ATP5ME: variants seen among roughly 807,000 people sequenced by gnomAD.
ATP5ME encodes the protein ATP synthase F(0) complex subunit e, mitochondrial.
Under a neutral mutation model 11.6 loss-of-function variants are expected in ATP5ME, and 10 were observed. The observed-to-expected ratio is 0.86, with a 90% CI of 0.53 to 1.46. ATP5ME has a LOEUF of 1.46. ATP5ME is among the 40% of genes most tolerant of loss of function. The pLI is 0.00. For synonymous variants in ATP5ME, 45 were observed against 33.5 expected (o/e 1.34, Z -1.19); for missense variants, 115 against 85.4 (o/e 1.35, Z -1.37).
In ATP5ME at chr4:673,300, T is replaced by A. The variant is rs113258489; in HGVS notation, c.190+3A>T. ...AATCTATAAGAGCCAGTGTCACTCG[T>A]ACCTTCTGCCAATTCTCTGGCAATC... On this transcript the variant is annotated splice_donor_region_variant and intron_variant, in intron 3 of 3. Coordinates refer to ENST00000304312, the MANE Select transcript of ATP5ME (RefSeq NM_007100.4). The A allele has an allele frequency of 6.2e-7, 1 of 1,614,208 alleles. No homozygotes were observed. The highest frequency in any genetic ancestry group is 8.5e-7 in the Non-Finnish European group (1 of 1,180,000).
intron 3 of ATP5ME, 136 bp downstream of exon 3, chr4:673,167 G>GCCA: frequency 5.0e-6 from 7 of 1,389,178 alleles, no homozygotes; most frequent in Non-Finnish European, 6.8e-6. Context: ...ACAGGCATGA[G>GCCA]CCACCACGCC....
At chr4:674,141 G>A in intron 1 of ATP5ME, 71 bp downstream of exon 1, 7 of 1,536,804 alleles carry the variant, frequency 4.6e-6, no homozygotes, top group Non-Finnish European at 6.2e-6. Flanking sequence ...CGCAGCCCGC[G>A]GGGTCGGAGC....
intron 1 of ATP5ME, 34 bp downstream of exon 1, chr4:674,178 G>C (rs778952566): frequency 1.2e-6 from 2 of 1,607,820 alleles, no homozygotes; most frequent in Admixed American, 1.7e-5. Context: ...GGGGGGCCCA[G>C]AGCACTGGGC....
chr4:673,468 G>C, intron 2 of ATP5ME, 67 bp from the exon 3 acceptor site: 2 of 1,610,068 alleles, frequency 1.2e-6, no homozygotes, highest in Non-Finnish European at 1.7e-6. Context: ...TGAGTCCACA[G>C]GTCAAGGTAT....
At position 673,384 on chromosome 4, in the gene ATP5ME, C is replaced by T. The variant is rs200608822; in HGVS notation, c.109G>A (p.Ala37Thr). The stretch of plus-strand genomic sequence containing the variant: ...GCTGCTATCCTCCTCTCCTCTTCTG[C>T]CCGAGGTTTTAGGTAATCTGTTTGG... ...ATRYNYLKPR[A>T]EEERRIAAEE... is the part of the protein sequence containing the mutation. The change falls in exon 3 of 4, where the codon GCA becomes ACA. Residue 37 changes from alanine (A) to threonine (T), a missense_variant. Ala to Thr is a moderately conservative substitution (Grantham distance 58). Coordinates refer to ENST00000304312, the MANE Select transcript of ATP5ME (RefSeq NM_007100.4). 425 of 1,614,032 alleles carry T rather than the reference C, an allele frequency of 2.6e-4. 1 individual carries two copies. The highest frequency in any genetic ancestry group is 3.3e-4 in the Non-Finnish European group (390 of 1,180,018).
intron 2 of ATP5ME, 200 bp downstream of exon 2, chr4:673,712 G>C: frequency 1.2e-6 from 1 of 869,406 alleles, no homozygotes; most frequent in Middle Eastern, 3.4e-4. Context: ...AGCCGTTTTC[G>C]AGTCCCCCGC....
rs1250219241 is a variant in ATP5ME, at chr4:672,439, CA to C, written c.*60del. ...GACAGCAAATGAGGAGCCGGAGTAT[CA>C]CACAACACAGGAAGCTTTATTCATC... On this transcript the variant is annotated 3_prime_UTR_variant, in exon 4 of 4. Transcript: ENST00000304312. 7 of 1,608,042 alleles carry C rather than the reference CA, an allele frequency of 4.4e-6. No homozygotes were observed. Among genetic ancestry groups the C allele is most frequent in the Admixed American group, 3.4e-5 (2 of 59,116 alleles).
chr4:673,746 T>C, intron 2 of ATP5ME, 166 bp downstream of exon 2: 1 of 1,078,328 alleles, frequency 9.3e-7, no homozygotes, highest in East Asian at 2.6e-5. Context: ...GCCTGAGCTT[T>C]GGGTGAGCTG....
At chr4:672,596 ATTTTTTTTTTT>A in intron 3 of ATP5ME, 77 bp from the exon 4 acceptor site, 2 of 1,132,260 alleles carry the variant, frequency 1.8e-6, no homozygotes, top group Non-Finnish European at 2.4e-6. Context: ...CTTCCCAGTT[ATTTTTTTTTTT>A]TTTTTTTTTG....
At position 673,294 on chromosome 4, in the gene ATP5ME, C is replaced by T. The variant is rs201986374; in HGVS notation, c.190+9G>A. The T allele has an allele frequency of 1.4e-4, 223 of 1,614,196 alleles. 1 individual carries two copies. In the South Asian group the frequency reaches 1.5e-3, roughly 11 times the overall value. ...AGGGACAATCTATAAGAGCCAGTGTCACTCGTACCTTCTGCCAATTCTCTG... is the reference window on the plus strand; with the variant it reads ...AGGGACAATCTATAAGAGCCAGTGTTACTCGTACCTTCTGCCAATTCTCTG... On this transcript the variant is annotated intron_variant, in intron 3 of 3. Coordinates refer to ENST00000304312, the MANE Select transcript of ATP5ME (RefSeq NM_007100.4).
At position 673,365 on chromosome 4, in the gene ATP5ME, ATCC is replaced by A. The variant is rs1318735021; in HGVS notation, c.125_127del (p.Arg42del). Reference sequence around the variant, plus strand: ...CTGCTTCTTCTTCTCTTCTGCTGCTATCCTCCTCTCCTCTTCTGCCCGAGGTTT... The same window carrying A: ...CTGCTTCTTCTTCTCTTCTGCTGCTATCCTCTCCTCTTCTGCCCGAGGTTT... On this transcript the variant is annotated inframe_deletion, in exon 3 of 4. Transcript: ENST00000304312. The A allele has an allele frequency of 1.9e-6, 3 of 1,614,110 alleles. No individual in the cohort carries two copies. Among genetic ancestry groups the A allele is most frequent in the Admixed American group, 1.7e-5 (1 of 60,010 alleles).
rs1420144539 is a variant in ATP5ME at position 672,460 on chromosome 4, T to C, written c.*40A>G. On this transcript the variant is annotated 3_prime_UTR_variant, in exon 4 of 4. Transcript: ENST00000304312. ...GTATCACACAACACAGGAAGCTTTA[T>C]TCATCCGCTGCTGGTCCAAAGAGTG... 6.2e-7 allele frequency: 1 copy of C among 1,613,152 alleles called. No homozygotes were observed.
rs1244043182 is a variant in ATP5ME at position 673,979 on chromosome 4, T to C, written c.37-13A>G. The C allele has an allele frequency of 3.7e-5, 57 of 1,541,728 alleles. No individual in the cohort carries two copies. The highest frequency in any genetic ancestry group is 4.8e-5 in the Non-Finnish European group (55 of 1,145,936). On this transcript the variant is annotated splice_polypyrimidine_tract_variant and intron_variant, in intron 1 of 3. Coordinates refer to ENST00000304312, the MANE Select transcript of ATP5ME (RefSeq NM_007100.4). ...AGTAGCGGCCGAGCTGCGAAAGAGGTTGGTCAGAGGCGGCGCGAAACGGGG... is the reference window on the plus strand; with the variant it reads ...AGTAGCGGCCGAGCTGCGAAAGAGGCTGGTCAGAGGCGGCGCGAAACGGGG...
intron 2 of ATP5ME, 143 bp from the exon 3 acceptor site, chr4:673,544 C>A: frequency 7.0e-7 from 1 of 1,428,202 alleles, no homozygotes; most frequent in East Asian, 2.5e-5. Context: ...CGAGTCAACG[C>A]CTGACCTTCA....
At chr4:673,489 G>A (rs1738631102) in intron 2 of ATP5ME, 88 bp from the exon 3 acceptor site, 2 of 1,597,504 alleles carry the variant, frequency 1.3e-6, no homozygotes, top group African/African-American at 2.7e-5. Context: ...CTTCAGCGAC[G>A]CTGTAAACCA....
intron 2 of ATP5ME, chr4:673,621 C>G: frequency 1.2e-6 from 1 of 815,394 alleles, no homozygotes. Context: ...CTGGCTCACT[C>G]GTCCTCTGCG....
chr4:674,022 G>A lies in ATP5ME; in HGVS notation c.37-56C>T, dbSNP rs1439056568. On this transcript the variant is annotated intron_variant, in intron 1 of 3. Coordinates refer to ENST00000304312, the MANE Select transcript of ATP5ME (RefSeq NM_007100.4). ...AAACGGGGCTCGCGGGACGGGGGTC[G>A]CGGGAGGAGGGGGGGCGGGGTCGCT... 4 of 1,531,124 alleles carry A rather than the reference G, an allele frequency of 2.6e-6. No homozygotes were observed. The African/African-American group carries it at 4.1e-5, about 16-fold the overall frequency. 94.8% of individuals were successfully genotyped at this position (1,531,124 alleles called of 1,614,324 possible). A position where few individuals can be genotyped will look rare whatever the true frequency, so the allele number is the denominator to read the frequency against.
Position 672,517 on chromosome 4 carries a change from C to T in ATP5ME, c.193G>A (p.Asp65Asn), listed in dbSNP as rs748251540. ...AGGGTCACTCACTTTAATATGCTGT[C>T]ATCTTGGGCCGGAAGGTTAGAAGAA... ...KRIARELAED[D>N]SILK The change falls in exon 4 of 4, where the codon GAC becomes AAC. Residue 65 changes from aspartate to asparagine, a missense_variant and splice_region_variant. Transcript: ENST00000304312. The T allele has an allele frequency of 6.2e-7, 1 of 1,613,724 alleles. No homozygotes were observed.
chr4:672,643 A>T, intron 3 of ATP5ME, 124 bp from the exon 4 acceptor site: 1 of 1,087,406 alleles, frequency 9.2e-7, no homozygotes, highest in Admixed American at 2.7e-5. Context: ...TCGCTCTGTC[A>T]CCCAATGGCG....
Sources: gnomAD v4.1 joint callset for allele counts on GRCh38, gnomAD v4.1.1 for gene constraint, MANE v1.5 for transcripts, NCBI Gene and HGNC (gene_info 2026-07-23, HGNC 2026-07-21) for gene names.